Variants in RGS7 observed in about 807,000 individuals in gnomAD.
RGS7 encodes the protein regulator of G protein signaling 7.
Under a neutral mutation model 81.1 loss-of-function variants are expected in RGS7, and 27 were observed. That is an observed-to-expected ratio of 0.33 (90% confidence interval 0.25 to 0.46). The LOEUF is 0.46. Ranked by LOEUF, RGS7 falls within the 20% of genes least tolerant of loss-of-function variation. The probability of loss-of-function intolerance (pLI) is 1.00; values close to 1 mark genes in which losing one functional copy is unlikely to be tolerated. For missense variants in RGS7, 396 were observed against 607.4 expected, an observed-to-expected ratio of 0.65 and a Z score of 3.66; for synonymous variants, 208 against 207.7, an observed-to-expected ratio of 1.00 and a Z score of -0.01.
chr1:240,908,682 T>C (rs559195886), intron 6 of RGS7, among the ~76,000 whole-genome samples: 2 of 152,312 alleles, frequency 1.3e-5, no homozygotes, highest in South Asian at 2.1e-4. Context: ...ACCAGAATTA[T>C]TATCCTCTAA....
At chr1:240,997,841 T>C (rs10926390) in intron 3 of RGS7, among the ~76,000 whole-genome samples, 13 of 151,788 alleles carry the variant, frequency 8.6e-5, no homozygotes, top group Admixed American at 2.0e-4. Flanking sequence ...AACAAAATTT[T>C]CAGAAAATCA....
At chr1:241,029,029 G>A (rs568111752) in intron 3 of RGS7, among the ~76,000 whole-genome samples, 26 of 152,218 alleles carry the variant, frequency 1.7e-4, no homozygotes, top group African/African-American at 4.8e-4. Context: ...GTGGGCAGGC[G>A]GGAGAAATCA....
At chr1:241,302,262 T>TCGGC (rs1362875254) in intron 2 of RGS7, among the ~76,000 whole-genome samples, 12 of 152,046 alleles carry the variant, frequency 7.9e-5, no homozygotes, top group Admixed American at 7.9e-4. Context: ...AACTTTGGCT[T>TCGGC]CGGCCGGCCG....
intron 4 of RGS7, among the ~76,000 whole-genome samples, chr1:240,979,995 T>A (rs1349194188): frequency 6.6e-6 from 1 of 152,164 alleles, no homozygotes; most frequent in Non-Finnish European, 1.5e-5. Context: ...AAAAGTGTAC[T>A]CACAAAGCAG....
intron 6 of RGS7, among the ~76,000 whole-genome samples, chr1:240,916,224 C>A (rs1384852281): frequency 6.7e-6 from 1 of 148,220 alleles, no homozygotes; most frequent in Non-Finnish European, 1.5e-5. Context: ...TTGCAGTGAG[C>A]CAAGATCATG....
chr1:241,196,035 A>G (rs996508821), intron 2 of RGS7, among the ~76,000 whole-genome samples: 21 of 151,928 alleles, frequency 1.4e-4, no homozygotes, highest in African/African-American at 4.8e-4. Flanking sequence ...CCACATAGCT[A>G]GATGCATCAT....
At chr1:240,781,353 C>T (rs968307034) in intron 18 of RGS7, among the ~76,000 whole-genome samples, 3 of 152,200 alleles carry the variant, frequency 2.0e-5, no homozygotes, top group Admixed American at 1.3e-4. Context: ...GGCCTGTAAC[C>T]CCCGCACTTT....
In RGS7 at chr1:240,814,458, CT is replaced by C. The variant is rs575813827; in HGVS notation, c.845+257del. Among the ~76,000 whole-genome samples the C allele has an allele frequency of 1.2e-4, 19 of 152,314 alleles. No individual in the cohort carries two copies. In the East Asian group the frequency reaches 3.5e-3, roughly 28 times the overall value. ...AAAGGCTAGACTCTGCAGAATTATC[CT>C]CTATATCTGATTCTTAGTGGAACAA... is the stretch of plus-strand genomic sequence containing the variant. On this transcript the variant is annotated intron_variant, in intron 12 of 18. Transcript: ENST00000440928.
At chr1:241,020,947 T>C (rs1478105300) in intron 3 of RGS7, among the ~76,000 whole-genome samples, 1 of 152,196 alleles carries the variant, frequency 6.6e-6, no homozygotes, top group East Asian at 1.9e-4. Context: ...GCAAATAATA[T>C]GGTTCTTATG....
chr1:241,050,182 T>A (rs2061171147), intron 3 of RGS7, among the ~76,000 whole-genome samples: 2 of 152,158 alleles, frequency 1.3e-5, no homozygotes, highest in Non-Finnish European at 2.9e-5. Context: ...TCCAGGTCCC[T>A]TCCCCAGGTT....
chr1:240,822,003 T>G (rs2103152638), intron 10 of RGS7, among the ~76,000 whole-genome samples: 1 of 152,306 alleles, frequency 6.6e-6, no homozygotes, highest in Non-Finnish European at 1.5e-5. Context: ...TTGTGTCAAC[T>G]TGGCTGGCTC....
chr1:241,023,480 C>T (rs537877909), intron 3 of RGS7, among the ~76,000 whole-genome samples: 2 of 152,292 alleles, frequency 1.3e-5, no homozygotes, highest in East Asian at 3.9e-4. Flanking sequence ...TTAAATTGTC[C>T]TAGTTGTAAA....
At chr1:240,890,361 C>A (rs1668092478) in intron 6 of RGS7, among the ~76,000 whole-genome samples, 1 of 152,082 alleles carries the variant, frequency 6.6e-6, no homozygotes, top group South Asian at 2.1e-4. Context: ...CTATGTTGGC[C>A]CAAATGGTCT....
At chr1:240,939,508 T>C (rs1349642511) in intron 4 of RGS7, among the ~76,000 whole-genome samples, 2 of 152,106 alleles carry the variant, frequency 1.3e-5, no homozygotes, top group Non-Finnish European at 2.9e-5. Context: ...AGTTGGCCCA[T>C]AACAAATGAG....
intron 2 of RGS7, among the ~76,000 whole-genome samples, chr1:241,283,447 G>C (rs1484644937): frequency 6.6e-6 from 1 of 151,970 alleles, no homozygotes; most frequent in Non-Finnish European, 1.5e-5. Flanking sequence ...TTTTCTTTTA[G>C]CACTTAAAAA....
intron 4 of RGS7, among the ~76,000 whole-genome samples, chr1:240,967,885 T>C (rs1265249764): frequency 6.6e-6 from 1 of 152,194 alleles, no homozygotes; most frequent in Non-Finnish European, 1.5e-5. Context: ...TTAGAGTTAT[T>C]GCTTTTAAAG....
intron 9 of RGS7, among the ~76,000 whole-genome samples, chr1:240,855,308 CAAA>C (rs758331434): frequency 6.7e-5 from 1 of 14,922 alleles, no homozygotes. Context: ...GACCATGTCT[CAAA>C]AAAAAAAAAA....
chr1:241,201,555 A>C (rs1390617633), intron 2 of RGS7, among the ~76,000 whole-genome samples: 1 of 152,176 alleles, frequency 6.6e-6, no homozygotes, highest in African/African-American at 2.4e-5. Context: ...ATGTATCCTT[A>C]AATTTCTTCC....
At chr1:240,970,437 G>T (rs1410982295) in intron 4 of RGS7, among the ~76,000 whole-genome samples, 1 of 152,214 alleles carries the variant, frequency 6.6e-6, no homozygotes, top group Non-Finnish European at 1.5e-5. Flanking sequence ...ATTACAGAAT[G>T]CAGTATTTAA....
Sources: gnomAD v4.1 joint callset for allele counts (sites outside exome capture counted in the v4.1 genomes callset) on GRCh38, gnomAD v4.1.1 for gene constraint, MANE v1.5 for transcripts, NCBI Gene and HGNC (gene_info 2026-07-23, HGNC 2026-07-21) for gene names.